Variants in ANKRD6 observed in about 807,000 individuals in gnomAD.
The protein encoded by ANKRD6 is ankyrin repeat domain-containing protein 6.
ANKRD6 carries 56 observed loss-of-function variants against 82.3 expected under a neutral mutation model. That is an observed-to-expected ratio of 0.68 (90% CI 0.55 to 0.85). The LOEUF is 0.85. Among genes scored for constraint, ANKRD6 ranks in the 40% least tolerant of loss-of-function variants. The pLI is 0.00. For missense variants in ANKRD6, 852 were observed against 907.6 expected, an observed-to-expected ratio of 0.94 and a Z score of 0.79; for synonymous variants, 347 against 352.1, an observed-to-expected ratio of 0.99 and a Z score of 0.16.
intron 1 of ANKRD6, among the ~76,000 whole-genome samples, chr6:89,535,967 T>G (rs1783775298): frequency 1.3e-5 from 2 of 152,238 alleles, no homozygotes; most frequent in South Asian, 4.1e-4. Context: ...TGGTGGCTCA[T>G]GTCTGTAATC....
At chr6:89,571,070 G>A (rs1168729962) in intron 2 of ANKRD6, among the ~76,000 whole-genome samples, 1 of 151,826 alleles carries the variant, frequency 6.6e-6, no homozygotes, top group Non-Finnish European at 1.5e-5. Context: ...TTGTTTTTTT[G>A]AGTCGGAGTC....
At chr6:89,446,119 G>A (rs1334890420) in intron 1 of ANKRD6, among the ~76,000 whole-genome samples, 1 of 151,922 alleles carries the variant, frequency 6.6e-6, no homozygotes, top group Non-Finnish European at 1.5e-5. Context: ...TTGGGAGGCC[G>A]AGGCAGGCGA....
chr6:89,558,546 C>T (rs777173867), intron 1 of ANKRD6, among the ~76,000 whole-genome samples: 1 of 152,100 alleles, frequency 6.6e-6, no homozygotes, highest in Non-Finnish European at 1.5e-5. Context: ...GTAAAAAGAT[C>T]AGTGGTTGCC....
intron 2 of ANKRD6, among the ~76,000 whole-genome samples, chr6:89,569,057 G>A (rs1169660412): frequency 1.3e-5 from 2 of 151,754 alleles, no homozygotes; most frequent in African/African-American, 2.4e-5. Flanking sequence ...GGGACTACAG[G>A]CACATACCAA....
intron 1 of ANKRD6, among the ~76,000 whole-genome samples, chr6:89,539,315 CTG>C (rs1784201667): frequency 2.0e-5 from 3 of 152,182 alleles, no homozygotes; most frequent in South Asian, 4.1e-4. Context: ...CTCTGTGAGA[CTG>C]TTTTTTTCTA....
intron 1 of ANKRD6, among the ~76,000 whole-genome samples, chr6:89,489,712 G>GGACCTGT (rs1407480438): frequency 6.6e-6 from 1 of 152,234 alleles, no homozygotes; most frequent in Non-Finnish European, 1.5e-5. Context: ...ACAGGAGCGA[G>GGACCTGT]GACCTGTGGA....
At chr6:89,515,223 C>T (rs1021124022) in intron 1 of ANKRD6, among the ~76,000 whole-genome samples, 1 of 152,046 alleles carries the variant, frequency 6.6e-6, no homozygotes, top group African/African-American at 2.4e-5. Context: ...GATGATTAGC[C>T]CTTTTCAGGG....
intron 1 of ANKRD6, among the ~76,000 whole-genome samples, chr6:89,453,132 C>G (rs1485523485): frequency 1.3e-5 from 2 of 152,238 alleles, no homozygotes; most frequent in Non-Finnish European, 2.9e-5. Flanking sequence ...TCATTCCCTT[C>G]TTCCAAAAGT....
intron 1 of ANKRD6, among the ~76,000 whole-genome samples, chr6:89,439,652 G>A (rs1461436137): frequency 6.6e-6 from 1 of 152,106 alleles, no homozygotes; most frequent in Admixed American, 6.6e-5. Flanking sequence ...TCTACCTAAG[G>A]AAAAGGCCCA....
intron 15 of ANKRD6, 40 bp downstream of exon 15, chr6:89,629,278 A>G (rs1806751208): frequency 6.2e-7 from 1 of 1,612,254 alleles, no homozygotes; most frequent in Admixed American, 1.7e-5. Flanking sequence ...CAAAAGGAAC[A>G]CGACCAGCAG....
chr6:89,474,058 A>T (rs1416756796), intron 1 of ANKRD6, among the ~76,000 whole-genome samples: 1 of 152,186 alleles, frequency 6.6e-6, no homozygotes, highest in African/African-American at 2.4e-5. Flanking sequence ...TTATGTGTCA[A>T]ACTTCTCCAA....
chr6:89,604,548 T>TATAC (rs1365042644), intron 4 of ANKRD6, among the ~76,000 whole-genome samples: 2 of 152,022 alleles, frequency 1.3e-5, no homozygotes, highest in Non-Finnish European at 1.5e-5. Context: ...TAAAGTATAA[T>TATAC]ATACATACAG....
At chr6:89,501,926 G>A (rs1779316686) in intron 1 of ANKRD6, among the ~76,000 whole-genome samples, 1 of 152,090 alleles carries the variant, frequency 6.6e-6, no homozygotes, top group African/African-American at 2.4e-5. Flanking sequence ...CAGGATTTAT[G>A]TGTTCTTTTA....
intron 1 of ANKRD6, among the ~76,000 whole-genome samples, chr6:89,435,514 G>C (rs912003967): frequency 6.6e-6 from 1 of 152,168 alleles, no homozygotes; most frequent in Non-Finnish European, 1.5e-5. Context: ...CATTGTTATT[G>C]AACTTAAAAG....
chr6:89,499,405 G>C (rs1356493429), intron 1 of ANKRD6, among the ~76,000 whole-genome samples: 1 of 152,086 alleles, frequency 6.6e-6, no homozygotes, highest in Non-Finnish European at 1.5e-5. Context: ...TGATACTTAT[G>C]TGTTTGTCAC....
At chr6:89,538,471 C>T (rs1418982207) in intron 1 of ANKRD6, among the ~76,000 whole-genome samples, 1 of 152,162 alleles carries the variant, frequency 6.6e-6, no homozygotes, top group East Asian at 1.9e-4. Flanking sequence ...TGCTACAATA[C>T]AGGAAAGCAT....
chr6:89,509,418 C>A (rs1780273179), intron 1 of ANKRD6, among the ~76,000 whole-genome samples: 1 of 152,130 alleles, frequency 6.6e-6, no homozygotes, highest in African/African-American at 2.4e-5. Context: ...CTCATACAGC[C>A]CCTTCACTTA....
chr6:89,579,800 G>A (rs1429822245), intron 2 of ANKRD6, among the ~76,000 whole-genome samples: 1 of 136,938 alleles, frequency 7.3e-6, no homozygotes, highest in Non-Finnish European at 1.6e-5. Context: ...ATGACAAAGT[G>A]TCTCAGTGTC....
intron 12 of ANKRD6, 190 bp from the exon 13 acceptor site, chr6:89,624,349 C>T: frequency 1.4e-6 from 1 of 719,248 alleles, no homozygotes; most frequent in Non-Finnish European, 2.2e-6. Flanking sequence ...CCATATCTTA[C>T]CCTCTGAATT....
Sources: allele counts gnomAD v4.1 joint callset (sites outside exome capture counted in the v4.1 genomes callset), GRCh38; gene constraint gnomAD v4.1.1; transcripts MANE v1.5; gene names NCBI Gene and HGNC (gene_info 2026-07-23, HGNC 2026-07-21).